MLH3: variants seen among roughly 807,000 people sequenced by gnomAD.
The protein encoded by MLH3 is DNA mismatch repair protein Mlh3.
MLH3 carries 82 observed loss-of-function variants against 122.2 expected under a neutral mutation model. The observed-to-expected ratio is 0.67, with a 90% CI of 0.56 to 0.81. MLH3 has a LOEUF of 0.81. Among genes scored for constraint, MLH3 ranks in the 30% least tolerant of loss-of-function variants. The pLI is 0.00. For synonymous variants in MLH3, 524 were observed against 599.5 expected (o/e 0.87, Z 1.84); for missense variants, 1,539 against 1,714.5 (o/e 0.90, Z 1.81).
rs776985374 is a variant in MLH3, at chr14:75,049,030, G to A, written c.626C>T (p.Ser209Phe). The change falls in exon 2 of 13, where the codon TCC becomes TTC. Residue 209 changes from serine (S) to phenylalanine (F), a missense_variant. Transcript: ENST00000355774. Reference sequence around the variant, plus strand: ...CAATCCATAAATTTGACAAAATCGGGAACATACGTCTTTGGTTTTAGGGAG... The same window carrying A: ...CAATCCATAAATTTGACAAAATCGGAAACATACGTCTTTGGTTTTAGGGAG... ...LQLPKTKDVC[S>F]RFCQIYGLGK... 1 of 1,613,938 alleles carries A rather than the reference G, an allele frequency of 6.2e-7. No individual in the cohort carries two copies. The highest frequency in any genetic ancestry group is 1.7e-5 in the Admixed American group (1 of 59,986).
intron 2 of MLH3, among the ~76,000 whole-genome samples, chr14:75,044,502 G>A (rs1892082955): frequency 6.6e-6 from 1 of 152,174 alleles, no homozygotes; most frequent in African/African-American, 2.4e-5. Flanking sequence ...TGTCAGTGCT[G>A]TAGATTTACC....
At position 75,047,346 on chromosome 14, in the gene MLH3, T is replaced by C. The variant is rs2139565270; in HGVS notation, c.2310A>G (p.Thr770=). 6 of 1,614,166 alleles carry C rather than the reference T, an allele frequency of 3.7e-6. 1 individual carries two copies. The highest frequency in any genetic ancestry group is 2.2e-5 in the South Asian group (2 of 91,084). ...QYGKVENPLD[T]EVEESNGVTT... is the part of the protein sequence containing the mutation. ...TGACTCCATTACTTTCCTCTACTTC[T>C]GTATCCAGAGGATTTTCAACCTTCC... is the stretch of plus-strand genomic sequence containing the variant. The change falls in exon 2 of 13, where the codon ACA becomes ACG. Residue 770 remains threonine (T), a synonymous_variant. Transcript: ENST00000355774.
In MLH3 at chr14:75,022,798, A is replaced by G. The variant is rs1890374109; in HGVS notation, c.4090+16T>C. 6.2e-7 allele frequency: 1 copy of G among 1,612,690 alleles called. No individual in the cohort carries two copies. Among genetic ancestry groups the G allele is most frequent in the African/African-American group, 1.3e-5 (1 of 74,998 alleles). On this transcript the variant is annotated intron_variant, in intron 11 of 12. Transcript: ENST00000355774. ...CATGCAGAGGTGTTTGATCACTGCTATGTTGAAGGGCTTACCATGGCAGGC... is the reference window on the plus strand; with the variant it reads ...CATGCAGAGGTGTTTGATCACTGCTGTGTTGAAGGGCTTACCATGGCAGGC...
chr14:75,019,242 T>A (rs568383897), intron 11 of MLH3: 3 of 398,220 alleles, frequency 7.5e-6, no homozygotes, highest in South Asian at 7.5e-5. Context: ...AAATCCCGCC[T>A]CTACTAAAAA....
Position 75,048,913 on chromosome 14 carries a change from T to A in MLH3, c.743A>T (p.Asn248Ile). ...YISSEAHYNKNMQFLFVNKRL... is the reference protein window; with the variant it reads ...YISSEAHYNKIMQFLFVNKRL... ...TTTGTTCACAAACAAAAACTGCATA[T>A]TCTTGTTGTAATGTGCTTCAGAGCT... The change falls in exon 2 of 13, where the codon AAT becomes ATT. Residue 248 changes from asparagine (N) to isoleucine (I), a missense_variant. By Grantham distance (149) the Asn-to-Ile change is moderately radical. Coordinates refer to ENST00000355774, the MANE Select transcript of MLH3 (RefSeq NM_001040108.2). 6.2e-7 allele frequency: 1 copy of A among 1,613,632 alleles called. No individual in the cohort carries two copies. The highest frequency in any genetic ancestry group is 1.7e-5 in the Admixed American group (1 of 59,932).
chr14:75,024,290 C>T (rs1890481344), intron 9 of MLH3, among the ~76,000 whole-genome samples: 1 of 152,128 alleles, frequency 6.6e-6, no homozygotes, highest in Non-Finnish European at 1.5e-5. Flanking sequence ...CAACCTCTGC[C>T]TTCTGGGTTC....
rs1890983232 is a variant in MLH3, at chr14:75,030,601, T to A, written c.3929A>T (p.Glu1310Val). 1 of 1,613,964 alleles carries A rather than the reference T, an allele frequency of 6.2e-7. No homozygotes were observed. Among genetic ancestry groups the A allele is most frequent in the African/African-American group, 1.3e-5 (1 of 74,924 alleles). ...TCTCCGAAGTTCATTGGCTTCTCTT[T>A]CCACAAAACATAGTGGTACTTTTCC... ...LVGKVPLCFV[E>V]REANELRRGR... The change falls in exon 9 of 13, where the codon GAA (glutamate) becomes GTA (valine). Residue 1310 changes from glutamate to valine, a missense_variant. Transcript: ENST00000355774.
rs1889836032 is a variant in MLH3, at chr14:75,015,400, C to G, written c.*1682G>C. The G allele has an allele frequency of 5.6e-6, 1 of 177,350 alleles. No individual in the cohort carries two copies. Among genetic ancestry groups the G allele is most frequent in the Admixed American group, 6.3e-5 (1 of 15,816 alleles). 11.0% of individuals were successfully genotyped at this position (177,350 alleles called of 1,614,324 possible). ...TTGGGATTACATATAGCAAAACCTT[C>G]TGAAATCATAAGAGGCACTGAGACA... On this transcript the variant is annotated 3_prime_UTR_variant, in exon 13 of 13. Coordinates refer to ENST00000355774, the MANE Select transcript of MLH3 (RefSeq NM_001040108.2).
Position 75,042,416 on chromosome 14 carries a change from A to T in MLH3, c.3342T>A (p.Ala1114=), listed in dbSNP as rs774911613. Residue 1114 remains alanine, a synonymous_variant, in exon 3 of 13, where the codon GCT becomes GCA. Transcript: ENST00000355774. ...SDLVLPFLPR[A]RAERTVMRQD... is the part of the protein sequence containing the mutation. ...GTCTCATCACAGTCCTCTCTGCTCGAGCTCTCGGAAGGAAAGGAAGAACAA... is the reference window on the plus strand; with the variant it reads ...GTCTCATCACAGTCCTCTCTGCTCGTGCTCTCGGAAGGAAAGGAAGAACAA... The T allele has an allele frequency of 6.2e-7, 1 of 1,614,182 alleles. No individual in the cohort carries two copies. Among genetic ancestry groups the T allele is most frequent in the Non-Finnish European group, 8.5e-7 (1 of 1,180,022 alleles).
At position 75,047,673 on chromosome 14, in the gene MLH3, A is replaced by C. The variant is rs376024613; in HGVS notation, c.1983T>G (p.Thr661=). 10 of 1,613,862 alleles carry C rather than the reference A, an allele frequency of 6.2e-6. No homozygotes were observed. Among genetic ancestry groups the C allele is most frequent in the Admixed American group, 1.7e-5 (1 of 59,990 alleles). The change falls in exon 2 of 13, where the codon ACT becomes ACG. Residue 661 remains threonine (T), a synonymous_variant. Coordinates refer to ENST00000355774, the MANE Select transcript of MLH3 (RefSeq NM_001040108.2). The stretch of plus-strand genomic sequence containing the variant: ...GCAATTGACCAGATTCTTTACTTAA[A>C]GTGCTGGCTAAATCTTTGATGTCTG... ...ETPDIKDLAS[T]LSKESGQLPN...
chr14:75,034,835 G>A (rs946634407), intron 6 of MLH3, among the ~76,000 whole-genome samples: 1 of 151,836 alleles, frequency 6.6e-6, no homozygotes, highest in Non-Finnish European at 1.5e-5. Context: ...AGGCTGAGGA[G>A]GGCAGATCAC....
intron 4 of MLH3, 38 bp downstream of exon 4, chr14:75,041,572 AAGAAG>A (rs2139490729): frequency 1.4e-6 from 2 of 1,450,972 alleles, no homozygotes; most frequent in Non-Finnish European, 1.9e-6. Context: ...TAAGAAGAAG[AAGAAG>A]AAAAAAAAAA....
rs762169466 is a variant in MLH3 at position 75,049,185 on chromosome 14, T to C, written c.471A>G (p.Val157=). ...TVYNLFYQLP[V]RRKCMDPRLE... is the part of the protein sequence containing the mutation. ...GTCTAGGGTCCATGCATTTCCTCCT[T>C]ACAGGAAGCTGGTAAAATAGGTTAT... Residue 157 remains valine, a synonymous_variant, in exon 2 of 13, where the codon GTA becomes GTG. Coordinates refer to ENST00000355774, the MANE Select transcript of MLH3 (RefSeq NM_001040108.2). 5.0e-6 allele frequency: 8 copies of C among 1,614,074 alleles called. No homozygotes were observed. Among genetic ancestry groups the C allele is most frequent in the Non-Finnish European group, 5.9e-6 (7 of 1,180,030 alleles).
rs762736140 is a variant in MLH3, at chr14:75,048,506, A to G, written c.1150T>C (p.Ser384Pro). Residue 384 changes from serine to proline, a missense_variant, in exon 2 of 13, where the codon TCC (serine) becomes CCC (proline). By Grantham distance (74) the Ser-to-Pro change is moderately conservative. Coordinates refer to ENST00000355774, the MANE Select transcript of MLH3 (RefSeq NM_001040108.2). ...TCCTGGAAATTGCTCCTCTCATCGG[A>G]AGTCACACGCTTCTGAAGAGTAGCA... ...FDATLQKRVT[S>P]DERSNFQEAC... The G allele has an allele frequency of 6.2e-7, 1 of 1,613,292 alleles. No individual in the cohort carries two copies. Among genetic ancestry groups the G allele is most frequent in the South Asian group, 1.1e-5 (1 of 90,846 alleles).
Position 75,048,783 on chromosome 14 carries a change from A to C in MLH3, c.873T>G (p.Asn291Lys), listed in dbSNP as rs767413852. Residue 291 changes from asparagine (N) to lysine (K), a missense_variant, in exon 2 of 13, where the codon AAT becomes AAG. By Grantham distance (94) the Asn-to-Lys change is moderately conservative. Coordinates refer to ENST00000355774, the MANE Select transcript of MLH3 (RefSeq NM_001040108.2). The part of the protein sequence containing the change: ...PKNGPTSRQM[N>K]SSLRHRSTPE... ...GGGTAGACCGGTGCCGAAGACTTGA[A>C]TTCATTTGCCTACTGGTGGGACCAT... is the stretch of plus-strand genomic sequence containing the variant. The C allele has an allele frequency of 4.8e-5, 78 of 1,613,986 alleles. 3 individuals are homozygous for C. The Admixed American group carries it at 1.0e-3, about 21-fold the overall frequency.
chr14:75,032,152 C>G lies in MLH3; in HGVS notation c.3743G>C (p.Gly1248Ala), dbSNP rs1204653960. 6.2e-7 allele frequency: 1 copy of G among 1,613,410 alleles called. No individual in the cohort carries two copies. Among genetic ancestry groups the G allele is most frequent in the Non-Finnish European group, 8.5e-7 (1 of 1,179,370 alleles). ...AGACAGTAATTTTTTCCGACCAGAG[C>G]CTTGTGCCTGTTGCTTCTCGTAGGA... ...IDSYEKQQAQGSGRKKLLSST... is the reference protein window; with the variant it reads ...IDSYEKQQAQASGRKKLLSST... The change falls in exon 8 of 13, where the codon GGC (glycine) becomes GCC (alanine). Residue 1248 changes from glycine (G) to alanine (A), a missense_variant. Transcript: ENST00000355774.
chr14:75,048,384 ACT>A lies in MLH3; in HGVS notation c.1270_1271del (p.Ser424PhefsTer2). 1.2e-6 allele frequency: 2 copies of A among 1,611,236 alleles called. No individual in the cohort carries two copies. The highest frequency in any genetic ancestry group is 1.7e-6 in the Non-Finnish European group (2 of 1,179,054). ...KTTAENVNTQ[S>X]SRDSEATRKN... ...TTCTGGTAGCTTCTGAATCCCTAGAACTCTGTGTGTTTACGTTTTCTGCAGTA... is the reference window on the plus strand; with the variant it reads ...TTCTGGTAGCTTCTGAATCCCTAGAACTGTGTGTTTACGTTTTCTGCAGTA... On this transcript the variant is annotated frameshift_variant, in exon 2 of 13. Transcript: ENST00000355774. LOFTEE classifies it high-confidence loss of function.
intron 1 of MLH3, among the ~76,000 whole-genome samples, chr14:75,049,935 C>A (rs1428382980): frequency 6.6e-6 from 1 of 152,212 alleles, no homozygotes; most frequent in African/African-American, 2.4e-5. Flanking sequence ...ATTTTCAATG[C>A]TCCTTTCTAA....
At chr14:75,026,935 C>T (rs1020088540) in intron 9 of MLH3, among the ~76,000 whole-genome samples, 2 of 151,900 alleles carry the variant, frequency 1.3e-5, no homozygotes, top group Non-Finnish European at 2.9e-5. Flanking sequence ...CCCATCTCTG[C>T]TAAAGATACA....
Sources: gnomAD v4.1 joint callset for allele counts (sites outside exome capture counted in the v4.1 genomes callset) on GRCh38, gnomAD v4.1.1 for gene constraint, MANE v1.5 for transcripts, NCBI Gene and HGNC (gene_info 2026-07-23, HGNC 2026-07-21) for gene names.